Variants in GPATCH2 observed in about 807,000 individuals in gnomAD.
GPATCH2 encodes G-patch domain containing 2, also known as G patch domain-containing protein 2.
A neutral mutation model predicts 58.0 loss-of-function variants in GPATCH2; 51 were observed. The ratio of observed to expected loss-of-function variants is 0.88; its 90% CI spans 0.70 to 1.11. The LOEUF (loss-of-function observed/expected upper bound fraction) is 1.11, where lower values mean the gene tolerates loss of function less well. GPATCH2 is among the 50% of genes most tolerant of loss of function. The pLI is 0.00. For missense variants in GPATCH2, 625 were observed against 652.2 expected (o/e 0.96, Z 0.45); for synonymous variants, 222 against 218.5 (o/e 1.02, Z -0.14).
intron 8 of GPATCH2, among the ~76,000 whole-genome samples, chr1:217,477,655 G>A (rs1207644389): frequency 2.0e-5 from 3 of 152,294 alleles, no homozygotes; most frequent in Middle Eastern, 3.4e-3. Flanking sequence ...AAAGGAAAGA[G>A]TGGGAAGGAC....
At chr1:217,620,887 C>A (rs1481233478) in intron 1 of GPATCH2, among the ~76,000 whole-genome samples, 1 of 152,176 alleles carries the variant, frequency 6.6e-6, no homozygotes, top group Non-Finnish European at 1.5e-5. Context: ...CCCCTCTTCG[C>A]CCACTAATCT....
intron 5 of GPATCH2, among the ~76,000 whole-genome samples, chr1:217,551,564 A>T (rs1571904670): frequency 6.6e-6 from 1 of 152,116 alleles, no homozygotes; most frequent in Admixed American, 6.6e-5. Flanking sequence ...TAATATTTTA[A>T]CCTTGAAAAC....
chr1:217,565,593 T>G (rs1222033701), intron 5 of GPATCH2, among the ~76,000 whole-genome samples: 1 of 152,224 alleles, frequency 6.6e-6, no homozygotes, highest in East Asian at 1.9e-4. Context: ...CATGGTTACT[T>G]TAACACTGTA....
chr1:217,594,708 T>C (rs1036887617), intron 5 of GPATCH2, among the ~76,000 whole-genome samples: 2 of 152,240 alleles, frequency 1.3e-5, no homozygotes, highest in African/African-American at 4.8e-5. Flanking sequence ...ATTATAATTG[T>C]TATAAAAATA....
At chr1:217,509,582 A>G (rs1219237507) in intron 6 of GPATCH2, among the ~76,000 whole-genome samples, 1 of 152,198 alleles carries the variant, frequency 6.6e-6, no homozygotes, top group Non-Finnish European at 1.5e-5. Context: ...ACTAGACTGG[A>G]CAGCACCTAA....
chr1:217,478,502 A>G (rs1661064484), intron 8 of GPATCH2, among the ~76,000 whole-genome samples: 1 of 152,240 alleles, frequency 6.6e-6, no homozygotes, highest in Non-Finnish European at 1.5e-5. Context: ...ATACTGAAGA[A>G]AGGATCAGTC....
chr1:217,457,030 C>T (rs138962965), intron 8 of GPATCH2, among the ~76,000 whole-genome samples: 1,697 of 151,962 alleles, frequency 0.011, 12 homozygotes, highest in Middle Eastern at 0.048. Flanking sequence ...ACATTAAGCA[C>T]GCAATGAAAG....
At chr1:217,579,386 A>G (rs1666952964) in intron 5 of GPATCH2, among the ~76,000 whole-genome samples, 1 of 152,130 alleles carries the variant, frequency 6.6e-6, no homozygotes, top group Non-Finnish European at 1.5e-5. Context: ...AAAAAAAACA[A>G]TAACAAATCT....
intron 9 of GPATCH2, among the ~76,000 whole-genome samples, chr1:217,431,683 T>A (rs771347728): frequency 1.6e-4 from 25 of 152,212 alleles, no homozygotes; most frequent in Non-Finnish European, 3.2e-4. Flanking sequence ...ACAGATGAGA[T>A]CATGTATGTA....
At chr1:217,474,830 T>C (rs932522286) in intron 8 of GPATCH2, among the ~76,000 whole-genome samples, 2 of 151,996 alleles carry the variant, frequency 1.3e-5, no homozygotes, top group East Asian at 3.9e-4. Flanking sequence ...TTTCTACAAG[T>C]TGAAAAAGGG....
At chr1:217,566,912 G>A (rs569933221) in intron 5 of GPATCH2, among the ~76,000 whole-genome samples, 1 of 152,226 alleles carries the variant, frequency 6.6e-6, no homozygotes, top group African/African-American at 2.4e-5. Context: ...GTTTCAATGA[G>A]AAACTTGTGG....
chr1:217,444,360 A>G (rs2911709), intron 9 of GPATCH2, among the ~76,000 whole-genome samples: 40,361 of 152,046 alleles, frequency 0.27, 7,174 homozygotes, highest in African/African-American at 0.51. Flanking sequence ...AGTGTGAGTG[A>G]GTGTGGGGGC....
rs1047196483 is a variant in GPATCH2 at position 217,551,620 on chromosome 1, C to G, written c.1099-36731G>C. Among the ~76,000 whole-genome samples the G allele has an allele frequency of 3.9e-5, 6 of 152,124 alleles. No individual in the cohort carries two copies. In the East Asian group the frequency reaches 5.8e-4, roughly 15 times the overall value. ...TGCCAGCCACATTAGCAATTTCAAC[C>G]ATGAACTGAGAAATACGAACACAGA... On this transcript the variant is annotated intron_variant, in intron 5 of 9. Transcript: ENST00000366935.
Position 217,427,880 on chromosome 1 carries a change from C to A in GPATCH2, c.*3265G>T, listed in dbSNP as rs1347068000. ...ATACTGCACACAGGCATTATAAATA[C>A]ACCTATAGGTACACATTATGTATAT... On this transcript the variant is annotated 3_prime_UTR_variant, in exon 10 of 10. Coordinates refer to ENST00000366935, the MANE Select transcript of GPATCH2 (RefSeq NM_018040.5). 1 of 152,100 alleles carries A rather than the reference C, an allele frequency of 6.6e-6. No homozygotes were observed. Among genetic ancestry groups the A allele is most frequent in the Non-Finnish European group, 1.5e-5 (1 of 67,984 alleles). The allele number at this position is 152,100 out of a possible 1,614,324, so 9.4% of individuals were successfully genotyped here.
intron 5 of GPATCH2, among the ~76,000 whole-genome samples, chr1:217,526,879 G>C (rs1663931819): frequency 6.6e-6 from 1 of 152,180 alleles, no homozygotes; most frequent in Admixed American, 6.5e-5. Flanking sequence ...ATTCTCACAG[G>C]AGTGTGATCC....
chr1:217,544,404 A>G (rs1226856590), intron 5 of GPATCH2, among the ~76,000 whole-genome samples: 1 of 152,128 alleles, frequency 6.6e-6, no homozygotes, highest in Non-Finnish European at 1.5e-5. Context: ...AAAACAAACA[A>G]ACAAACCAAA....
At chr1:217,590,259 T>C (rs1259897043) in intron 5 of GPATCH2, among the ~76,000 whole-genome samples, 2 of 152,096 alleles carry the variant, frequency 1.3e-5, no homozygotes, top group African/African-American at 2.4e-5. Flanking sequence ...TGACCTCAAG[T>C]GATCCACCCG....
At chr1:217,545,039 C>G (rs1446617856) in intron 5 of GPATCH2, among the ~76,000 whole-genome samples, 2 of 152,174 alleles carry the variant, frequency 1.3e-5, no homozygotes, top group African/African-American at 2.4e-5. Flanking sequence ...TCTACTGGAG[C>G]CTTCTCAATT....
chr1:217,484,753 A>C (rs1418219046), intron 8 of GPATCH2, among the ~76,000 whole-genome samples: 1 of 150,412 alleles, frequency 6.6e-6, no homozygotes, highest in South Asian at 2.1e-4. Flanking sequence ...AATACATAGG[A>C]GGTATAGGTA....
Sources: allele counts gnomAD v4.1 joint callset (sites outside exome capture counted in the v4.1 genomes callset), GRCh38; gene constraint gnomAD v4.1.1; transcripts MANE v1.5; gene names NCBI Gene and HGNC (gene_info 2026-07-23, HGNC 2026-07-21).